EPHX4: variants seen among roughly 807,000 people sequenced by gnomAD.
EPHX4 encodes abhydrolase domain containing 7.
Under a neutral mutation model 44.9 loss-of-function variants are expected in EPHX4, and 31 were observed. The observed-to-expected ratio is 0.69, with a 90% CI of 0.52 to 0.93. The LOEUF (loss-of-function observed/expected upper bound fraction) is 0.93. Among genes scored for constraint, EPHX4 ranks in the 40% least tolerant of loss-of-function variants. EPHX4 has a pLI of 0.00. For missense variants in EPHX4, 373 were observed against 438.1 expected, an observed-to-expected ratio of 0.85 and a Z score of 1.33; for synonymous variants, 151 against 159.7, an observed-to-expected ratio of 0.95 and a Z score of 0.41.
At chr1:92,055,091 C>T (rs2101874765) in intron 6 of EPHX4, among the ~76,000 whole-genome samples, 1 of 151,656 alleles carries the variant, frequency 6.6e-6, no homozygotes, top group Non-Finnish European at 1.5e-5. Flanking sequence ...TAAAAACTGT[C>T]AATAAAAAAA....
intron 6 of EPHX4, among the ~76,000 whole-genome samples, chr1:92,062,621 A>G (rs2101877900): frequency 6.7e-6 from 1 of 149,010 alleles, no homozygotes; most frequent in African/African-American, 2.5e-5. Context: ...GAAACAAATT[A>G]CTCCTCATAG....
chr1:92,038,273 A>T (rs1688468146), intron 2 of EPHX4, among the ~76,000 whole-genome samples: 1 of 152,196 alleles, frequency 6.6e-6, no homozygotes. Context: ...CTCTAATTAA[A>T]TCCTAAATGA....
intron 4 of EPHX4, among the ~76,000 whole-genome samples, chr1:92,049,635 A>G (rs937699468): frequency 2.0e-5 from 3 of 152,214 alleles, no homozygotes; most frequent in African/African-American, 7.2e-5. Flanking sequence ...AAGGCATTCA[A>G]TTTGAATCAA....
intron 6 of EPHX4, among the ~76,000 whole-genome samples, chr1:92,056,303 T>G (rs1454564447): frequency 2.0e-5 from 3 of 152,164 alleles, no homozygotes; most frequent in African/African-American, 7.2e-5. Context: ...TAAGCCTCCT[T>G]GGGACTATGT....
chr1:92,040,751 G>A (rs1219326589), intron 2 of EPHX4, among the ~76,000 whole-genome samples: 4 of 152,092 alleles, frequency 2.6e-5, no homozygotes, highest in Non-Finnish European at 5.9e-5. Context: ...GTGAGCCACC[G>A]CACCTGGCCT....
chr1:92,063,112 GAA>G lies in EPHX4; in HGVS notation c.916_917del (p.Asn306Ter). ...CTCCAACACTACTACTGTGGGGAGA[GAA>G]TGACGCATTCATGGAGGTTGAGATG... is the stretch of plus-strand genomic sequence containing the variant. Reference protein sequence around the residue: ...TTPTLLLWGENDAFMEVEMAE... With the variant: ...TTPTLLLWGEXDAFMEVEMAE... On this transcript the variant is annotated frameshift_variant, in exon 7 of 7. Coordinates refer to ENST00000370383, the MANE Select transcript of EPHX4 (RefSeq NM_173567.5). LOFTEE classifies it high-confidence loss of function. The G allele has an allele frequency of 6.2e-7, 1 of 1,614,144 alleles. No homozygotes were observed. Among genetic ancestry groups the G allele is most frequent in the Non-Finnish European group, 8.5e-7 (1 of 1,180,020 alleles).
At position 92,034,178 on chromosome 1, in the gene EPHX4, T is replaced by C. The variant is rs1688402913; in HGVS notation, c.317+1588T>C. Among the ~76,000 whole-genome samples, 2 of 149,962 alleles carry C rather than the reference T, an allele frequency of 1.3e-5. 1 individual carries two copies. The highest frequency in any genetic ancestry group is 4.2e-4 in the South Asian group (2 of 4,718). On this transcript the variant is annotated intron_variant, in intron 2 of 6. Transcript: ENST00000370383. ...AGCTGTGCTTGGTGGCAGGCGCCTG[T>C]ACTCCCAGCTACTCGGGAGGCTGAG...
intron 1 of EPHX4, among the ~76,000 whole-genome samples, 175 bp downstream of exon 1, chr1:92,030,485 T>TGTGAGA (rs1326928763): frequency 4.3e-5 from 6 of 138,652 alleles, no homozygotes; most frequent in African/African-American, 1.7e-4. Flanking sequence ...TGTGTGTGTG[T>TGTGAGA]GAGAGAGAGA....
In EPHX4 at chr1:92,032,542, A is replaced by G; in HGVS notation, c.269A>G (p.Glu90Gly). ...GLRFHYVAAG[E>G]RGKPLMLLLH... ...AGATTTCACTATGTTGCTGCTGGAG[A>G]AAGAGGCAAACCACTTATGCTGCTG... is the stretch of plus-strand genomic sequence containing the variant. The change falls in exon 2 of 7, where the codon GAA becomes GGA. Residue 90 changes from glutamate to glycine, a missense_variant. Transcript: ENST00000370383. The G allele has an allele frequency of 1.2e-6, 2 of 1,614,110 alleles. No individual in the cohort carries two copies. The highest frequency in any genetic ancestry group is 1.7e-6 in the Non-Finnish European group (2 of 1,180,012).
At chr1:92,039,021 T>A (rs895530954) in intron 2 of EPHX4, among the ~76,000 whole-genome samples, 4 of 152,222 alleles carry the variant, frequency 2.6e-5, no homozygotes, top group African/African-American at 9.6e-5. Flanking sequence ...AAGATCAATA[T>A]TACCATACAA....
intron 6 of EPHX4, among the ~76,000 whole-genome samples, chr1:92,060,381 T>C (rs1647468873): frequency 6.6e-6 from 1 of 150,820 alleles, no homozygotes; most frequent in Non-Finnish European, 1.5e-5. Context: ...CACTGCATCA[T>C]GATGATGATG....
chr1:92,056,155 T>A (rs1271519803), intron 6 of EPHX4, among the ~76,000 whole-genome samples: 1 of 152,164 alleles, frequency 6.6e-6, no homozygotes, highest in Non-Finnish European at 1.5e-5. Context: ...CTGACCCCCC[T>A]CTGAGTAATT....
At chr1:92,051,493 G>A (rs1647252497) in intron 5 of EPHX4, among the ~76,000 whole-genome samples, 1 of 151,310 alleles carries the variant, frequency 6.6e-6, no homozygotes, top group Non-Finnish European at 1.5e-5. Context: ...GAAGAAATTT[G>A]CCCTGAGGAA....
rs745435867 is a variant in EPHX4, at chr1:92,030,483, T to TGTGTGA, written c.231+176_231+177insTGAGTG. On this transcript the variant is annotated intron_variant, in intron 1 of 6. Coordinates refer to ENST00000370383, the MANE Select transcript of EPHX4 (RefSeq NM_173567.5). ...GTGTGTGTGTGTGTGTGTGTGTGTG[T>TGTGTGA]GTGAGAGAGAGAGAGAGAGAGAGAG... 3.0e-4 allele frequency among the ~76,000 whole-genome samples: 41 copies of TGTGTGA among 138,740 alleles called. 1 individual carries two copies. The highest frequency in any genetic ancestry group is 3.7e-3 in the Middle Eastern group (1 of 272). The allele number at this position is 138,740 out of a possible 152,430, so 91.0% of individuals were successfully genotyped here.
intron 6 of EPHX4, among the ~76,000 whole-genome samples, 182 bp downstream of exon 6, chr1:92,052,840 G>A (rs1647291665): frequency 6.6e-6 from 1 of 152,138 alleles, no homozygotes; most frequent in Non-Finnish European, 1.5e-5. Context: ...AGTAGACAGA[G>A]TAATATAACA....
intron 1 of EPHX4, among the ~76,000 whole-genome samples, chr1:92,031,098 T>C (rs3862907): frequency 0.062 from 9,424 of 152,202 alleles, 382 homozygotes; most frequent in African/African-American, 0.11. Flanking sequence ...CAAGTCCTTA[T>C]TTCCTGTTAG....
chr1:92,055,654 ATTC>A (rs1647348940), intron 6 of EPHX4, among the ~76,000 whole-genome samples: 1 of 152,168 alleles, frequency 6.6e-6, no homozygotes, highest in Non-Finnish European at 1.5e-5. Flanking sequence ...AAGTTCACGT[ATTC>A]TTGTTTGTTT....
At position 92,059,580 on chromosome 1, in the gene EPHX4, G is replaced by GA. The variant is rs562518788; in HGVS notation, c.858-3469dup. The stretch of plus-strand genomic sequence containing the variant: ...CATAGATAATGTGTTTATGTATCTA[G>GA]AAAAAACAGGAGAATCTACAGAAAA... On this transcript the variant is annotated intron_variant, in intron 6 of 6. Transcript: ENST00000370383. Among the ~76,000 whole-genome samples, 195 of 152,148 alleles carry GA rather than the reference G, an allele frequency of 1.3e-3. 6 individuals are homozygous for GA. The South Asian group carries it at 0.039, about 31-fold the overall frequency.
chr1:92,045,175 G>C (rs1385016715), intron 3 of EPHX4, among the ~76,000 whole-genome samples: 1 of 151,962 alleles, frequency 6.6e-6, no homozygotes, highest in East Asian at 1.9e-4. Flanking sequence ...GTGTTGGGGG[G>C]AGGTCTTGCT....
Sources: gnomAD v4.1 joint callset for allele counts (sites outside exome capture counted in the v4.1 genomes callset) on GRCh38, gnomAD v4.1.1 for gene constraint, MANE v1.5 for transcripts, NCBI Gene and HGNC (gene_info 2026-07-23, HGNC 2026-07-21) for gene names.